The following RAPGEF6 variants were observed in gnomAD, a reference collection of about 807,000 sequenced individuals.
RAPGEF6 encodes the protein Rap guanine nucleotide exchange factor 6.
RAPGEF6 carries 56 observed loss-of-function variants against 171.4 expected under a neutral mutation model. The observed-to-expected ratio is 0.33, with a 90% confidence interval of 0.26 to 0.41. RAPGEF6 has a LOEUF of 0.41. Among genes scored for constraint, RAPGEF6 ranks in the 10% least tolerant of loss-of-function variants. The pLI, the probability that RAPGEF6 is intolerant of heterozygous loss-of-function variation, is 1.00. For missense variants in RAPGEF6, 1,674 were observed against 1,921.4 expected (o/e 0.87, Z 2.41); for synonymous variants, 692 against 650.1 (o/e 1.06, Z -0.98).
At chr5:131,463,943 T>G (rs1754132684) in intron 18 of RAPGEF6, 98 bp downstream of exon 18, 4 of 1,484,666 alleles carry the variant, frequency 2.7e-6, no homozygotes, top group Non-Finnish European at 3.6e-6. Flanking sequence ...TTAGGAGCAC[T>G]AAAACATGAT....
chr5:131,578,654 T>G (rs1257549601), intron 4 of RAPGEF6, among the ~76,000 whole-genome samples: 2 of 152,226 alleles, frequency 1.3e-5, no homozygotes, highest in Admixed American at 1.3e-4. Context: ...AACAGCTTAC[T>G]GGAATCCCTT....
intron 5 of RAPGEF6, among the ~76,000 whole-genome samples, chr5:131,559,271 G>A (rs1041305068): frequency 2.6e-5 from 4 of 152,162 alleles, no homozygotes; most frequent in African/African-American, 9.7e-5. Context: ...AGAGGTTGCA[G>A]TGAGCTGAGA....
intron 4 of RAPGEF6, among the ~76,000 whole-genome samples, chr5:131,581,597 C>T (rs1487259050): frequency 1.3e-5 from 2 of 152,042 alleles, no homozygotes; most frequent in African/African-American, 2.4e-5. Context: ...TCAAAGCAGC[C>T]CTGAGAAACC....
intron 6 of RAPGEF6, among the ~76,000 whole-genome samples, chr5:131,541,382 C>T (rs2149939405): frequency 6.6e-6 from 1 of 152,236 alleles, no homozygotes; most frequent in South Asian, 2.1e-4. Flanking sequence ...TAAGAGCCTT[C>T]CAGGGAAAGA....
At chr5:131,519,418 T>C (rs1758324950) in intron 7 of RAPGEF6, among the ~76,000 whole-genome samples, 1 of 152,186 alleles carries the variant, frequency 6.6e-6, no homozygotes, top group Admixed American at 6.5e-5. Context: ...TTCTTCTTTT[T>C]TGAGACAGAG....
At chr5:131,627,586 G>A (rs1409964880) in intron 1 of RAPGEF6, among the ~76,000 whole-genome samples, 2 of 152,218 alleles carry the variant, frequency 1.3e-5, no homozygotes, top group African/African-American at 4.8e-5. Flanking sequence ...GGTATTAAAT[G>A]TGGATTGAGC....
chr5:131,484,222 CTTTTTT>C (rs751000560), intron 15 of RAPGEF6, among the ~76,000 whole-genome samples: 7 of 74,108 alleles, frequency 9.4e-5, no homozygotes, highest in Non-Finnish European at 1.7e-4. Context: ...ACTGCAGAGG[CTTTTTT>C]TTTTTTTTTT....
In RAPGEF6 at chr5:131,452,746, G is replaced by A. The variant is rs188906310; in HGVS notation, c.3200+308C>T. Among the ~76,000 whole-genome samples the A allele has an allele frequency of 5.9e-5, 9 of 151,876 alleles. No individual in the cohort carries two copies. In the South Asian group the frequency reaches 1.5e-3, roughly 25 times the overall value. The stretch of plus-strand genomic sequence containing the variant: ...CTCCCAAAGTGCTGGGATTACAGGC[G>A]TGAGCCACTGCGCCCGGCCTGCTGA... On this transcript the variant is annotated intron_variant, in intron 21 of 27. Transcript: ENST00000509018.
chr5:131,560,648 T>G (rs148720775), intron 5 of RAPGEF6, among the ~76,000 whole-genome samples: 75 of 152,278 alleles, frequency 4.9e-4, no homozygotes, highest in African/African-American at 1.8e-3. Flanking sequence ...AAAATAAATT[T>G]GAAACAATAC....
intron 1 of RAPGEF6, among the ~76,000 whole-genome samples, chr5:131,619,380 G>A (rs1003415790): frequency 2.0e-5 from 3 of 152,194 alleles, no homozygotes; most frequent in Admixed American, 1.3e-4. Flanking sequence ...ATGACAGGTT[G>A]ATGGGTACGG....
At chr5:131,480,053 T>C (rs2149856974) in intron 15 of RAPGEF6, among the ~76,000 whole-genome samples, 1 of 152,330 alleles carries the variant, frequency 6.6e-6, no homozygotes, top group East Asian at 1.9e-4. Context: ...CAGAGGTTCC[T>C]ATTTAGGTAA....
In RAPGEF6 at chr5:131,472,836, C is replaced by A; in HGVS notation, c.2082-92G>T. On this transcript the variant is annotated intron_variant, in intron 16 of 27. Transcript: ENST00000509018. ...CCCTGTGCACTAAGGCATAAAAGAA[C>A]CAATTCAAAGAGGTGATTTAAACAA... is the stretch of plus-strand genomic sequence containing the variant. 5 of 1,113,966 alleles carry A rather than the reference C, an allele frequency of 4.5e-6. No individual in the cohort carries two copies. The South Asian group carries it at 5.0e-5, about 11-fold the overall frequency. 69.0% of individuals were successfully genotyped at this position (1,113,966 alleles called of 1,614,324 possible).
chr5:131,473,021 G>T (rs924696349), intron 16 of RAPGEF6: 1 of 335,014 alleles, frequency 3.0e-6, no homozygotes, highest in African/African-American at 2.1e-5. Flanking sequence ...TTTGGGTGAA[G>T]AAACTGAACC....
chr5:131,464,751 C>T (rs1348953940), intron 17 of RAPGEF6, among the ~76,000 whole-genome samples: 1 of 152,134 alleles, frequency 6.6e-6, no homozygotes, highest in Admixed American at 6.5e-5. Flanking sequence ...CCTCTGCAGG[C>T]AATCTACTTC....
At chr5:131,618,505 G>A (rs899675403) in intron 1 of RAPGEF6, among the ~76,000 whole-genome samples, 9 of 152,032 alleles carry the variant, frequency 5.9e-5, no homozygotes, top group African/African-American at 1.2e-4. Context: ...GGGTGTGATG[G>A]CACATGCCTG....
chr5:131,448,035 C>T (rs1051279317), intron 21 of RAPGEF6, among the ~76,000 whole-genome samples: 10 of 152,154 alleles, frequency 6.6e-5, no homozygotes, highest in Admixed American at 5.9e-4. Flanking sequence ...CAAGAACATT[C>T]CCAAAGCAAG....
At chr5:131,508,483 G>A (rs915553922) in intron 8 of RAPGEF6, among the ~76,000 whole-genome samples, 4 of 152,138 alleles carry the variant, frequency 2.6e-5, no homozygotes, top group Admixed American at 1.3e-4. Flanking sequence ...AGATGAAAGC[G>A]GAGCGTTTAT....
intron 13 of RAPGEF6, among the ~76,000 whole-genome samples, chr5:131,493,179 C>G (rs2149875026): frequency 6.6e-6 from 1 of 152,274 alleles, no homozygotes. Flanking sequence ...ATTCTCCTGC[C>G]TCAGCCTCCC....
chr5:131,484,520 A>G (rs548822522), intron 15 of RAPGEF6, among the ~76,000 whole-genome samples: 3 of 152,238 alleles, frequency 2.0e-5, no homozygotes, highest in South Asian at 4.2e-4. Context: ...TGGCCAAGAC[A>G]TTCTTATACA....
Sources: allele counts gnomAD v4.1 joint callset (sites outside exome capture counted in the v4.1 genomes callset), GRCh38; gene constraint gnomAD v4.1.1; transcripts MANE v1.5; gene names NCBI Gene and HGNC (gene_info 2026-07-23, HGNC 2026-07-21).